DPP6: variants seen among roughly 807,000 people sequenced by gnomAD.
The protein encoded by DPP6 is dipeptidyl peptidase like 6.
DPP6 carries 69 observed loss-of-function variants against 122.6 expected under a neutral mutation model. The observed-to-expected ratio is 0.56, with a 90% CI of 0.46 to 0.69. The LOEUF (loss-of-function observed/expected upper bound fraction) is 0.69, where lower values mean the gene tolerates loss of function less well. DPP6 is among the 30% of genes least tolerant of loss of function. The pLI is 0.00. For synonymous variants in DPP6, 418 were observed against 433.1 expected (o/e 0.97, Z 0.43); for missense variants, 928 against 1,116.9 (o/e 0.83, Z 2.41).
the DPP6 span, among the ~76,000 whole-genome samples, chr7:153,839,258 T>C: frequency 6.6e-6 from 1 of 152,182 alleles, no homozygotes; most frequent in Non-Finnish European, 1.5e-5. Context: ...AAACAAATAG[T>C]CATTAATTTG....
intron 1 of DPP6, among the ~76,000 whole-genome samples, chr7:154,011,281 A>G (rs1257339000): frequency 2.6e-5 from 4 of 152,216 alleles, no homozygotes; most frequent in Non-Finnish European, 4.4e-5. Flanking sequence ...TCTAGCAATG[A>G]AAAATGATTG....
intron 18 of DPP6, 122 bp from the exon 19 acceptor site, chr7:154,872,502 C>T: frequency 7.0e-7 from 1 of 1,431,854 alleles, no homozygotes; most frequent in Non-Finnish European, 9.3e-7. Flanking sequence ...CAGTCTCTGT[C>T]TGTGGGCTTC....
intron 16 of DPP6, among the ~76,000 whole-genome samples, chr7:154,836,834 G>T (rs1801089316): frequency 6.6e-6 from 1 of 152,142 alleles, no homozygotes; most frequent in Non-Finnish European, 1.5e-5. Context: ...AGCCTCCCAA[G>T]TAGCTGGGAT....
chr7:154,468,619 T>G (rs941966940), intron 2 of DPP6, among the ~76,000 whole-genome samples: 1 of 152,208 alleles, frequency 6.6e-6, no homozygotes, highest in African/African-American at 2.4e-5. Context: ...TTCAGTTTAT[T>G]TCCTGGATCT....
the DPP6 span, among the ~76,000 whole-genome samples, chr7:153,835,983 G>A: frequency 2.6e-5 from 4 of 152,156 alleles, no homozygotes; most frequent in African/African-American, 9.7e-5. Context: ...CACAAGACCC[G>A]TCAGCAGGAA....
chr7:154,044,884 C>T (rs1185964776), intron 1 of DPP6, among the ~76,000 whole-genome samples: 1 of 148,282 alleles, frequency 6.7e-6, no homozygotes, highest in Non-Finnish European at 1.5e-5. Flanking sequence ...TTTATGAAAT[C>T]AGTGTTTGAA....
intron 1 of DPP6, chr7:154,092,524 T>C (rs1804929798): frequency 6.7e-6 from 1 of 149,640 alleles, no homozygotes; most frequent in Non-Finnish European, 1.5e-5. Context: ...ACAGGTTTTC[T>C]GTACAGTGCC....
chr7:154,723,304 T>C (rs1484251923), intron 7 of DPP6, among the ~76,000 whole-genome samples: 3 of 152,118 alleles, frequency 2.0e-5, no homozygotes, highest in Non-Finnish European at 4.4e-5. Context: ...AATACACTCT[T>C]CTTTATAGCT....
chr7:154,878,304 T>C (rs1805058923), intron 20 of DPP6, among the ~76,000 whole-genome samples: 1 of 152,178 alleles, frequency 6.6e-6, no homozygotes, highest in Non-Finnish European at 1.5e-5. Flanking sequence ...AAAGAAGGAA[T>C]GGGCCCAACC....
chr7:154,207,114 G>A (rs964948588), intron 1 of DPP6, among the ~76,000 whole-genome samples: 3 of 139,850 alleles, frequency 2.1e-5, no homozygotes, highest in African/African-American at 7.4e-5. Flanking sequence ...ATGAAAATGT[G>A]GAATATTGTT....
chr7:154,776,199 T>TGATAGATA (rs5888595), intron 10 of DPP6, among the ~76,000 whole-genome samples: 29,171 of 148,386 alleles, frequency 0.2, 2,990 homozygotes, highest in African/African-American at 0.21. Flanking sequence ...CCATGATAGA[T>TGATAGATA]GATAGATAGA....
At chr7:154,017,449 C>T (rs1171890241) in intron 1 of DPP6, among the ~76,000 whole-genome samples, 2 of 151,908 alleles carry the variant, frequency 1.3e-5, no homozygotes, top group African/African-American at 2.4e-5. Context: ...CTTATAATCC[C>T]AGCACTTTGG....
At chr7:154,636,146 G>T (rs1379161707) in intron 5 of DPP6, among the ~76,000 whole-genome samples, 1 of 152,130 alleles carries the variant, frequency 6.6e-6, no homozygotes. Flanking sequence ...AAAACAAAGT[G>T]AGATCAATCA....
In DPP6 at chr7:154,823,892, G is replaced by A. The variant is rs74850224; in HGVS notation, c.1666+16780G>A. ...TCTCTCTGCTCCATGCAGTGGTGCT[G>A]ATGGTAATAATAAAAAACCGAATGC... On this transcript the variant is annotated intron_variant, in intron 16 of 25. Transcript: ENST00000377770. Among the ~76,000 whole-genome samples the A allele has an allele frequency of 3.1e-3, 465 of 152,328 alleles. 2 individuals are homozygous for A. The highest frequency in any genetic ancestry group is 9.9e-3 in the African/African-American group (410 of 41,588).
rs575326199 is a variant in DPP6 at position 154,366,162 on chromosome 7, A to G, written c.244-80052A>G. ...GAGGCTGAAAAAAGACAGTAATGCAACTCAGGCTGCTAGGGTGTTCTCACT... is the reference window on the plus strand; with the variant it reads ...GAGGCTGAAAAAAGACAGTAATGCAGCTCAGGCTGCTAGGGTGTTCTCACT... On this transcript the variant is annotated intron_variant, in intron 1 of 25. Coordinates refer to ENST00000377770, the MANE Select transcript of DPP6 (RefSeq NM_130797.4). Among the ~76,000 whole-genome samples the G allele has an allele frequency of 8.5e-5, 13 of 152,220 alleles. No homozygotes were observed. In the East Asian group the frequency reaches 2.1e-3, roughly 25 times the overall value.
intron 17 of DPP6, among the ~76,000 whole-genome samples, chr7:154,866,150 G>A (rs903519802): frequency 3.3e-5 from 5 of 152,194 alleles, no homozygotes; most frequent in South Asian, 4.1e-4. Flanking sequence ...AGGGCAGCAC[G>A]TGCAAAGGCC....
In DPP6 at chr7:154,875,518, G is replaced by A. The variant is rs1433790792; in HGVS notation, c.1884-388G>A. On this transcript the variant is annotated intron_variant, in intron 19 of 25. Coordinates refer to ENST00000377770, the MANE Select transcript of DPP6 (RefSeq NM_130797.4). The surrounding 1 kb of genome is among the most constrained non-coding windows in gnomAD (Gnocchi z 4.5). ...TTGTCACTTGTGATGGGTACTGAGA[G>A]GTACAGCCTGGGACATCTAGAACCC... Among the ~76,000 whole-genome samples, 2 of 152,216 alleles carry A rather than the reference G, an allele frequency of 1.3e-5. No homozygotes were observed. The highest frequency in any genetic ancestry group is 2.9e-5 in the Non-Finnish European group (2 of 68,040).
chr7:153,982,264 T>C (rs1378605866), intron 1 of DPP6, among the ~76,000 whole-genome samples: 4 of 151,812 alleles, frequency 2.6e-5, no homozygotes, highest in Non-Finnish European at 5.9e-5. Flanking sequence ...TTTTCTCTAA[T>C]CTTGTCTTCA....
chr7:154,739,380 G>T (rs1842714883), intron 8 of DPP6, among the ~76,000 whole-genome samples: 1 of 152,168 alleles, frequency 6.6e-6, no homozygotes, highest in African/African-American at 2.4e-5. Flanking sequence ...ATCAGAGTTG[G>T]GTTGAGAAAG....
Sources: allele counts gnomAD v4.1 joint callset (sites outside exome capture counted in the v4.1 genomes callset), GRCh38; gene constraint gnomAD v4.1.1; non-coding constraint Gnocchi (gnomAD v3.1); transcripts MANE v1.5; gene names NCBI Gene and HGNC (gene_info 2026-07-23, HGNC 2026-07-21).